LPIN2: variants seen among roughly 807,000 people sequenced by gnomAD.
The protein encoded by LPIN2 is lipin 2, also known as phosphatidate phosphatase LPIN2.
Under a neutral mutation model 111.4 loss-of-function variants are expected in LPIN2, and 55 were observed. That is an observed-to-expected ratio of 0.49 (90% confidence interval 0.40 to 0.62). The LOEUF is 0.62. Among genes scored for constraint, LPIN2 ranks in the 20% least tolerant of loss-of-function variants. LPIN2 has a pLI of 0.00. For missense variants in LPIN2, 992 were observed against 1,112.1 expected (o/e 0.89, Z 1.54); for synonymous variants, 425 against 414.0 (o/e 1.03, Z -0.32).
chr18:2,921,878 C>G lies in LPIN2; in HGVS notation c.2327+169G>C, dbSNP rs1399483035. Among the ~76,000 whole-genome samples the G allele has an allele frequency of 2.0e-5, 3 of 152,270 alleles. No homozygotes were observed. The East Asian group carries it at 5.8e-4, about 29-fold the overall frequency. ...ACCTGCCTTTCTTCACCAGGCCCGC[C>G]ACATGGCAAGTGAGCAGTATGTGGT... On this transcript the variant is annotated intron_variant, in intron 17 of 19. Transcript: ENST00000677752.
In LPIN2 at chr18:2,960,725, T is replaced by C. The variant is rs1456873217; in HGVS notation, c.116A>G (p.Gln39Arg). The change falls in exon 2 of 20, where the codon CAG becomes CGG. Residue 39 changes from glutamine to arginine, a missense_variant. Physicochemically the swap from Gln to Arg is conservative, Grantham distance 43. Around this residue, in one of 4 missense-constraint regions of LPIN2, gnomAD observed 67 missense variants for 112.1 expected, o/e 0.60. Coordinates refer to ENST00000677752, the MANE Select transcript of LPIN2 (RefSeq NM_001375808.2). ...AGGTGAACACTGATAGCTGCCATCC[T>C]GCTGCTGTACCACGATGACATCAAT... ...GCIDVIVVQQ[Q>R]DGSYQCSPFH... 2.5e-6 allele frequency: 4 copies of C among 1,614,036 alleles called. No individual in the cohort carries two copies. The highest frequency in any genetic ancestry group is 3.4e-6 in the Non-Finnish European group (4 of 1,180,034).
chr18:3,009,687 C>A (rs1006251236), intron 1 of LPIN2, among the ~76,000 whole-genome samples: 3 of 152,052 alleles, frequency 2.0e-5, no homozygotes, highest in Non-Finnish European at 4.4e-5. Flanking sequence ...GTGATCCGCC[C>A]GCCTCGGCCT....
intron 15 of LPIN2, among the ~76,000 whole-genome samples, chr18:2,924,084 A>G (rs2077095747): frequency 6.6e-6 from 1 of 152,170 alleles, no homozygotes; most frequent in African/African-American, 2.4e-5. Context: ...GTGTGTTCGG[A>G]GGTAACTGAC....
chr18:2,944,008 C>G (rs1166635968), intron 4 of LPIN2, among the ~76,000 whole-genome samples: 3 of 151,830 alleles, frequency 2.0e-5, no homozygotes, highest in Non-Finnish European at 1.5e-5. Flanking sequence ...GGAAATAAAC[C>G]CCTTTTAATT....
intron 1 of LPIN2, among the ~76,000 whole-genome samples, chr18:2,976,514 T>C (rs1018266366): frequency 1.3e-5 from 2 of 152,198 alleles, no homozygotes; most frequent in African/African-American, 4.8e-5. Context: ...AGGACTAAAA[T>C]AAATTTGGTT....
intron 1 of LPIN2, chr18:2,990,841 C>T (rs1015829562): frequency 7.0e-6 from 3 of 426,824 alleles, no homozygotes; most frequent in South Asian, 3.7e-5. Context: ...AATCTCTGTT[C>T]CCCGCCGGCA....
chr18:2,996,913 T>C (rs901541663), intron 1 of LPIN2, among the ~76,000 whole-genome samples: 1 of 152,220 alleles, frequency 6.6e-6, no homozygotes, highest in African/African-American at 2.4e-5. Context: ...TTGCTAATGG[T>C]AAACTTCTGC....
Position 2,919,316 on chromosome 18 carries a change from G to A in LPIN2, c.*977C>T, listed in dbSNP as rs910132319. The A allele has an allele frequency of 2.0e-5, 3 of 150,506 alleles. No individual in the cohort carries two copies. Among genetic ancestry groups the A allele is most frequent in the African/African-American group, 7.3e-5 (3 of 41,108 alleles). The allele number at this position is 150,506 out of a possible 1,614,324, so 9.3% of individuals were successfully genotyped here. A position where few individuals can be genotyped will look rare whatever the true frequency, so the allele number is the denominator to read the frequency against. Reference sequence around the variant, plus strand: ...CAAAAGCCAAAGTCACACACTGCTGGCCAGTGCCTTTAAGCAAGCTTCACT... The same window carrying A: ...CAAAAGCCAAAGTCACACACTGCTGACCAGTGCCTTTAAGCAAGCTTCACT... On this transcript the variant is annotated 3_prime_UTR_variant, in exon 20 of 20. Transcript: ENST00000677752.
intron 1 of LPIN2, among the ~76,000 whole-genome samples, chr18:2,963,487 T>C (rs2077744455): frequency 6.6e-6 from 1 of 151,898 alleles, no homozygotes. Flanking sequence ...TTAAAAAATA[T>C]AGCAAAATAA....
rs374483994 is a variant in LPIN2, at chr18:2,922,213, C to T, written c.2175-14G>A. 1 of 1,613,854 alleles carries T rather than the reference C, an allele frequency of 6.2e-7. No individual in the cohort carries two copies. Among genetic ancestry groups the T allele is most frequent in the Non-Finnish European group, 8.5e-7 (1 of 1,179,886 alleles). Reference sequence around the variant, plus strand: ...TTGTAGCCATTCCTGAAAGAAAACACACCCTGTTAGCCCACATGTTCTGGC... The same window carrying T: ...TTGTAGCCATTCCTGAAAGAAAACATACCCTGTTAGCCCACATGTTCTGGC... On this transcript the variant is annotated splice_polypyrimidine_tract_variant and intron_variant, in intron 16 of 19. Transcript: ENST00000677752.
At chr18:2,945,612 C>A (rs994655290) in intron 4 of LPIN2, 1 of 1,530,122 alleles carries the variant, frequency 6.5e-7, no homozygotes, top group South Asian at 1.1e-5. Flanking sequence ...GGCTTGCCCA[C>A]TGCATCGGTT....
intron 15 of LPIN2, among the ~76,000 whole-genome samples, chr18:2,924,148 C>T (rs1308066922): frequency 6.6e-6 from 1 of 152,222 alleles, no homozygotes; most frequent in African/African-American, 2.4e-5. Context: ...GTTTTCATAT[C>T]AGAATTGAAA....
At chr18:2,931,479 T>C (rs759311941) in intron 8 of LPIN2, 36 bp from the exon 9 acceptor site, 3 of 1,541,864 alleles carry the variant, frequency 1.9e-6, no homozygotes, top group Admixed American at 2.0e-5. Context: ...TGTGCTTTAT[T>C]ACAACTCCTT....
intron 4 of LPIN2, chr18:2,948,449 GAAT>G (rs1172529091): frequency 6.6e-6 from 1 of 152,192 alleles, no homozygotes; most frequent in African/African-American, 2.4e-5. Flanking sequence ...AATTCCTTTA[GAAT>G]AATGATTCTT....
At chr18:2,978,718 G>A (rs1237184783) in intron 1 of LPIN2, among the ~76,000 whole-genome samples, 1 of 152,222 alleles carries the variant, frequency 6.6e-6, no homozygotes, top group Non-Finnish European at 1.5e-5. Context: ...CTTCAATTCT[G>A]CTTCAGTCTG....
intron 1 of LPIN2, among the ~76,000 whole-genome samples, chr18:2,996,476 T>A (rs2078345110): frequency 8.1e-5 from 1 of 12,346 alleles, no homozygotes; most frequent in African/African-American, 1.4e-4. Flanking sequence ...TCTTTTTTTT[T>A]TTTTTTTTTT....
intron 19 of LPIN2, 100 bp downstream of exon 19, chr18:2,920,678 G>A: frequency 1.4e-5 from 13 of 913,156 alleles, no homozygotes; most frequent in Non-Finnish European, 2.2e-5. Flanking sequence ...TTTGATCAGG[G>A]CCTGATCTCA....
chr18:2,993,226 A>G (rs901369947), intron 1 of LPIN2, among the ~76,000 whole-genome samples: 19 of 152,064 alleles, frequency 1.2e-4, no homozygotes, highest in African/African-American at 4.6e-4. Context: ...AAGAAAGAAG[A>G]AAGAAAAAAG....
intron 4 of LPIN2, chr18:2,946,894 G>T: frequency 3.3e-6 from 1 of 305,666 alleles, no homozygotes; most frequent in Non-Finnish European, 6.3e-6. Context: ...AGCATTTCCC[G>T]TAAGACATAT....
Sources: allele counts gnomAD v4.1 joint callset (sites outside exome capture counted in the v4.1 genomes callset), GRCh38; gene constraint gnomAD v4.1.1; regional missense constraint gnomAD v4.1.1; transcripts MANE v1.5; gene names NCBI Gene and HGNC (gene_info 2026-07-23, HGNC 2026-07-21).